The following GRIK1 variants were observed in gnomAD, a reference collection of about 807,000 sequenced individuals.
The protein encoded by GRIK1 is glutamate receptor ionotropic, kainate 1.
Under a neutral mutation model 105.7 loss-of-function variants are expected in GRIK1, and 69 were observed. The ratio of observed to expected loss-of-function variants is 0.65; its 90% CI spans 0.54 to 0.80. GRIK1 has a LOEUF of 0.80. GRIK1 is among the 30% of genes least tolerant of loss of function. The pLI is 0.00. For missense variants in GRIK1, 1,109 were observed against 1,167.3 expected (o/e 0.95, Z 0.73); for synonymous variants, 438 against 431.3 (o/e 1.02, Z -0.19).
chr21:29,889,914 A>G, intron 1 of GRIK1, among the ~76,000 whole-genome samples: 1 of 152,078 alleles, frequency 6.6e-6, no homozygotes, highest in Non-Finnish European at 1.5e-5. Flanking sequence ...ATAAAAATTA[A>G]TAATATTTAT....
chr21:29,622,292 T>A (rs969886354), intron 7 of GRIK1, among the ~76,000 whole-genome samples: 2 of 152,196 alleles, frequency 1.3e-5, no homozygotes, highest in Non-Finnish European at 2.9e-5. Context: ...TAAACCTTTT[T>A]AAAAAGTAGT....
intron 1 of GRIK1, among the ~76,000 whole-genome samples, chr21:29,695,476 C>CTATATA (rs146618561): frequency 1.2e-4 from 17 of 139,938 alleles, no homozygotes; most frequent in South Asian, 2.4e-4. Context: ...ATCTATCTAT[C>CTATATA]TATATATATA....
At chr21:29,869,917 T>C (rs1338599080) in intron 1 of GRIK1, among the ~76,000 whole-genome samples, 1 of 152,230 alleles carries the variant, frequency 6.6e-6, no homozygotes, top group Non-Finnish European at 1.5e-5. Flanking sequence ...TTATGTAATA[T>C]AGTGTAAACT....
chr21:29,802,328 G>A (rs940873329), intron 1 of GRIK1, among the ~76,000 whole-genome samples: 4 of 152,000 alleles, frequency 2.6e-5, no homozygotes, highest in Middle Eastern at 3.4e-3. Context: ...AAATGCCTTC[G>A]GTAAGCCTCA....
At chr21:29,935,211 C>T (rs909535747) in intron 1 of GRIK1, among the ~76,000 whole-genome samples, 2 of 152,112 alleles carry the variant, frequency 1.3e-5, no homozygotes, top group Admixed American at 1.3e-4. Context: ...AGTGGCAGAA[C>T]ATTAACTAAA....
In GRIK1 at chr21:29,588,733, A is replaced by T. The variant is rs1443205622; in HGVS notation, c.1569+106T>A. On this transcript the variant is annotated intron_variant, in intron 11 of 17. Coordinates refer to ENST00000327783, the MANE Select transcript of GRIK1 (RefSeq NM_001330994.2). ...GCTGTTTTACTTTGCTTCTTAAAAAAATTGTTACGATTCAAAAAAAGGAAA... is the reference window on the plus strand; with the variant it reads ...GCTGTTTTACTTTGCTTCTTAAAAATATTGTTACGATTCAAAAAAAGGAAA... The T allele has an allele frequency of 3.9e-5, 28 of 715,980 alleles. No homozygotes were observed. The East Asian group carries it at 4.9e-4, about 13-fold the overall frequency. The allele number at this position is 715,980 out of a possible 1,614,324, so 44.4% of individuals were successfully genotyped here.
intron 1 of GRIK1, among the ~76,000 whole-genome samples, chr21:29,925,797 T>C (rs1437524825): frequency 1.3e-5 from 2 of 152,302 alleles, no homozygotes; most frequent in East Asian, 3.9e-4. Context: ...TGGGCTGCCT[T>C]CCTGATTTTT....
chr21:29,657,331 G>A (rs902441681), intron 4 of GRIK1: 2 of 152,172 alleles, frequency 1.3e-5, no homozygotes, highest in African/African-American at 2.4e-5. Flanking sequence ...CCTGTTAAGA[G>A]ATAAGCATTT....
Position 29,577,163 on chromosome 21 carries a change from T to C in GRIK1, c.1931A>G (p.Lys644Arg), listed in dbSNP as rs1447251574. The change falls in exon 14 of 18, where the codon AAA becomes AGA. Residue 644 changes from lysine to arginine, a missense_variant. By Grantham distance (26) the Lys-to-Arg change is conservative. Transcript: ENST00000327783. ...TCCAACTATTCTGGTCGATAGAGCT[T>C]TGGGCATCAGCTCTGATCCTGTGAT... ...LMQQGSELMP[K>R]ALSTRIVGGI... The C allele has an allele frequency of 6.2e-7, 1 of 1,600,228 alleles. No homozygotes were observed. The highest frequency in any genetic ancestry group is 1.7e-5 in the Admixed American group (1 of 59,976).
chr21:29,550,404 A>C (rs1452610217), intron 16 of GRIK1, among the ~76,000 whole-genome samples: 1 of 152,206 alleles, frequency 6.6e-6, no homozygotes, highest in Non-Finnish European at 1.5e-5. Context: ...CAATCAAGCA[A>C]TCAACAGCAA....
At chr21:29,684,546 C>T (rs113628239) in intron 3 of GRIK1, among the ~76,000 whole-genome samples, 9,129 of 151,640 alleles carry the variant, frequency 0.06, 309 homozygotes, top group African/African-American at 0.069. Context: ...TTTGCTCAGA[C>T]GCCCAGGCTG....
intron 1 of GRIK1, among the ~76,000 whole-genome samples, chr21:29,751,237 C>T (rs2065193374): frequency 6.6e-6 from 1 of 152,080 alleles, no homozygotes; most frequent in Admixed American, 6.5e-5. Flanking sequence ...ACAGATACAA[C>T]ATTTGATTAT....
intron 1 of GRIK1, among the ~76,000 whole-genome samples, chr21:29,744,601 G>C (rs535505780): frequency 2.0e-5 from 3 of 146,668 alleles, no homozygotes; most frequent in East Asian, 4.0e-4. Context: ...CTATTGTCTT[G>C]CTTCTTATTC....
At chr21:29,759,961 T>C (rs1308252051) in intron 1 of GRIK1, 3 of 152,374 alleles carry the variant, frequency 2.0e-5, no homozygotes, top group South Asian at 2.1e-4. Flanking sequence ...ATGATAGTAA[T>C]AAAGATTGCT....
intron 1 of GRIK1, among the ~76,000 whole-genome samples, chr21:29,898,820 A>G (rs533753592): frequency 1.3e-5 from 2 of 152,324 alleles, no homozygotes; most frequent in South Asian, 4.1e-4. Flanking sequence ...TATTCAAAGT[A>G]GATTTTATAT....
At chr21:29,937,616 GA>G (rs2071809767) in intron 1 of GRIK1, among the ~76,000 whole-genome samples, 1 of 152,112 alleles carries the variant, frequency 6.6e-6, no homozygotes, top group African/African-American at 2.4e-5. Context: ...TATAGGAAAG[GA>G]AAATGCTACC....
At chr21:29,835,070 C>T (rs2067752017) in intron 1 of GRIK1, among the ~76,000 whole-genome samples, 1 of 152,124 alleles carries the variant, frequency 6.6e-6, no homozygotes, top group Non-Finnish European at 1.5e-5. Context: ...TCCACACATG[C>T]TAATGTCCTC....
chr21:29,919,990 A>C (rs1036533607), intron 1 of GRIK1, among the ~76,000 whole-genome samples: 3 of 152,062 alleles, frequency 2.0e-5, no homozygotes, highest in African/African-American at 7.2e-5. Context: ...AGCAGGGGAG[A>C]GGTTCAGAAA....
At chr21:29,768,696 G>A (rs940820465) in intron 1 of GRIK1, among the ~76,000 whole-genome samples, 7 of 152,218 alleles carry the variant, frequency 4.6e-5, no homozygotes, top group Non-Finnish European at 1.5e-5. Context: ...CGGGGAGGAA[G>A]AGAGAGGCAG....
Sources: gnomAD v4.1 joint callset for allele counts (sites outside exome capture counted in the v4.1 genomes callset) on GRCh38, gnomAD v4.1.1 for gene constraint, MANE v1.5 for transcripts, NCBI Gene and HGNC (gene_info 2026-07-23, HGNC 2026-07-21) for gene names.